CDH18: variants seen among roughly 807,000 people sequenced by gnomAD.
CDH18 encodes the protein cadherin 18.
CDH18 carries 31 observed loss-of-function variants against 67.9 expected under a neutral mutation model. The observed-to-expected ratio is 0.46, with a 90% CI of 0.34 to 0.62. CDH18 has a LOEUF of 0.62. Among genes scored for constraint, CDH18 ranks in the 20% least tolerant of loss-of-function variants. The pLI, the probability that CDH18 is intolerant of heterozygous loss-of-function variation, is 0.01. For missense variants in CDH18, 890 were observed against 975.5 expected, an observed-to-expected ratio of 0.91 and a Z score of 1.17; for synonymous variants, 362 against 347.2, an observed-to-expected ratio of 1.04 and a Z score of -0.48.
intron 5 of CDH18, among the ~76,000 whole-genome samples, chr5:19,695,526 T>C (rs1762430301): frequency 6.6e-6 from 1 of 152,192 alleles, no homozygotes; most frequent in Non-Finnish European, 1.5e-5. Context: ...AGAGGTTTTT[T>C]TTCGCTTGAC....
At chr5:19,560,720 C>T (rs1401700116) in intron 8 of CDH18, among the ~76,000 whole-genome samples, 2 of 151,960 alleles carry the variant, frequency 1.3e-5, no homozygotes, top group Non-Finnish European at 2.9e-5. Flanking sequence ...GTAGAGTAAA[C>T]AGACAACCCA....
rs1443329522 is a variant in CDH18, at chr5:19,472,936, G to A, written c.*290C>T. On this transcript the variant is annotated 3_prime_UTR_variant, in exon 13 of 13. Coordinates refer to ENST00000382275, the MANE Select transcript of CDH18 (RefSeq NM_004934.5). ...TATATTGAAACAAATATCATTGTTT[G>A]GCTTAATTCAGGTATTCTTAATAAA... is the stretch of plus-strand genomic sequence containing the variant. 1.5e-5 allele frequency: 4 copies of A among 266,712 alleles called. No individual in the cohort carries two copies. The highest frequency in any genetic ancestry group is 8.8e-5 in the African/African-American group (4 of 45,200). 16.5% of individuals were successfully genotyped at this position (266,712 alleles called of 1,614,324 possible). A position where few individuals can be genotyped will look rare whatever the true frequency, so the allele number is the denominator to read the frequency against.
At chr5:19,507,547 T>C (rs1480922833) in intron 10 of CDH18, among the ~76,000 whole-genome samples, 1 of 152,082 alleles carries the variant, frequency 6.6e-6, no homozygotes, top group Non-Finnish European at 1.5e-5. Flanking sequence ...AAATGTGGCA[T>C]GTATACACCA....
intron 1 of CDH18, among the ~76,000 whole-genome samples, chr5:20,289,915 A>T (rs2974590): frequency 0.12 from 17,748 of 152,062 alleles, 1,568 homozygotes; most frequent in African/African-American, 0.24. Context: ...TGTTTTCATA[A>T]CCTAATCGCT....
intron 5 of CDH18, among the ~76,000 whole-genome samples, chr5:19,703,884 A>G (rs551281399): frequency 6.6e-6 from 1 of 152,214 alleles, no homozygotes; most frequent in Non-Finnish European, 1.5e-5. Context: ...CAGTCAGATG[A>G]TGCCAGCAGG....
intron 1 of CDH18, among the ~76,000 whole-genome samples, chr5:20,371,289 A>G (rs1023085645): frequency 6.6e-6 from 1 of 152,150 alleles, no homozygotes; most frequent in Non-Finnish European, 1.5e-5. Context: ...CTAGAGGTAG[A>G]TTATGGATCA....
intron 2 of CDH18, among the ~76,000 whole-genome samples, chr5:19,921,010 C>G (rs958168457): frequency 2.8e-4 from 43 of 151,536 alleles, no homozygotes; most frequent in African/African-American, 1.0e-3. Flanking sequence ...TATTGTGATA[C>G]TTGGTTAGTC....
chr5:20,475,305 G>C (rs1257993466), intron 1 of CDH18, among the ~76,000 whole-genome samples: 1 of 151,772 alleles, frequency 6.6e-6, no homozygotes, highest in East Asian at 1.9e-4. Flanking sequence ...TATGTTCCAG[G>C]CATTAAGCAG....
chr5:20,536,607 C>G (rs75354774), intron 1 of CDH18, among the ~76,000 whole-genome samples: 1,850 of 152,164 alleles, frequency 0.012, 29 homozygotes, highest in African/African-American at 0.042. Context: ...GTGGTTTAAG[C>G]AGGAGCTTGC....
intron 1 of CDH18, among the ~76,000 whole-genome samples, chr5:20,515,519 A>G (rs1030646179): frequency 1.3e-5 from 2 of 152,044 alleles, no homozygotes; most frequent in Non-Finnish European, 1.5e-5. Flanking sequence ...AATGCCACCT[A>G]GATACGCATT....
intron 2 of CDH18, among the ~76,000 whole-genome samples, chr5:19,960,782 TATA>T (rs1796804694): frequency 8.5e-6 from 1 of 118,330 alleles, no homozygotes; most frequent in South Asian, 2.2e-4. Flanking sequence ...TACACGTGTA[TATA>T]TATGTGTATA....
At chr5:19,840,109 A>AT (rs1398880378) in intron 2 of CDH18, among the ~76,000 whole-genome samples, 4 of 148,724 alleles carry the variant, frequency 2.7e-5, no homozygotes, top group Non-Finnish European at 6.0e-5. Flanking sequence ...TAAAAAAATA[A>AT]AAAAAAAAAT....
At chr5:20,181,301 A>G (rs1393129546) in intron 2 of CDH18, among the ~76,000 whole-genome samples, 1 of 152,112 alleles carries the variant, frequency 6.6e-6, no homozygotes, top group African/African-American at 2.4e-5. Context: ...GAGCAATTGT[A>G]TATTTGGGAA....
intron 2 of CDH18, among the ~76,000 whole-genome samples, chr5:19,929,929 C>T (rs573925597): frequency 6.6e-6 from 1 of 152,012 alleles, no homozygotes; most frequent in Admixed American, 6.6e-5. Flanking sequence ...GCAGGAAAAA[C>T]GTTGGTTTAG....
At chr5:19,574,769 A>C (rs539140479) in intron 7 of CDH18, among the ~76,000 whole-genome samples, 2 of 152,090 alleles carry the variant, frequency 1.3e-5, no homozygotes, top group African/African-American at 4.8e-5. Flanking sequence ...CAGGTGAGGC[A>C]CGGTGCCTCA....
intron 3 of CDH18, among the ~76,000 whole-genome samples, chr5:19,819,542 T>A (rs1254759863): frequency 6.6e-6 from 1 of 152,048 alleles, no homozygotes; most frequent in South Asian, 2.1e-4. Context: ...TCTGACCAGG[T>A]CCTAAGGAAG....
At chr5:20,278,871 A>G (rs1746006768) in intron 1 of CDH18, among the ~76,000 whole-genome samples, 1 of 152,152 alleles carries the variant, frequency 6.6e-6, no homozygotes. Flanking sequence ...ACCTCAAATC[A>G]GAAACCTACA....
chr5:19,873,204 G>GA (rs5866404), intron 2 of CDH18, among the ~76,000 whole-genome samples: 42,969 of 133,594 alleles, frequency 0.32, 7,276 homozygotes, highest in South Asian at 0.43. Flanking sequence ...TATCTTCTGA[G>GA]AAAAAAAAAA....
At chr5:20,207,936 G>C (rs920916791) in intron 2 of CDH18, among the ~76,000 whole-genome samples, 26 of 152,002 alleles carry the variant, frequency 1.7e-4, no homozygotes, top group Admixed American at 1.3e-4. Context: ...CTATAGTAAT[G>C]AAAACACCAT....
Sources: gnomAD v4.1 joint callset for allele counts (sites outside exome capture counted in the v4.1 genomes callset) on GRCh38, gnomAD v4.1.1 for gene constraint, MANE v1.5 for transcripts, NCBI Gene and HGNC (gene_info 2026-07-23, HGNC 2026-07-21) for gene names.